Variants in HCFC2 observed in about 807,000 individuals in gnomAD.
HCFC2 encodes host cell factor C2.
A neutral mutation model predicts 89.2 loss-of-function variants in HCFC2; 18 were observed. That is an observed-to-expected ratio of 0.20 (90% CI 0.14 to 0.30). The LOEUF (loss-of-function observed/expected upper bound fraction) is 0.30, where lower values mean the gene tolerates loss of function less well. HCFC2 is among the 10% of genes least tolerant of loss of function. The pLI, the probability that HCFC2 is intolerant of heterozygous loss-of-function variation, is 1.00. For missense variants in HCFC2, 578 were observed against 956.1 expected (o/e 0.60, Z 5.21); for synonymous variants, 308 against 335.7 (o/e 0.92, Z 0.90).
chr12:104,091,505 T>C (rs187882286), intron 9 of HCFC2, among the ~76,000 whole-genome samples: 43 of 152,370 alleles, frequency 2.8e-4, no homozygotes, highest in African/African-American at 9.4e-4. Context: ...TAAAAGGTTA[T>C]AGCTTCATAC....
chr12:104,081,161 G>A (rs184522994), intron 5 of HCFC2, among the ~76,000 whole-genome samples: 36 of 152,206 alleles, frequency 2.4e-4, no homozygotes, highest in African/African-American at 8.7e-4. Context: ...TTGTACTGAG[G>A]CACATGCTCT....
intron 12 of HCFC2, 141 bp downstream of exon 12, chr12:104,096,574 T>G: frequency 1.8e-6 from 1 of 560,760 alleles, no homozygotes; most frequent in Non-Finnish European, 3.2e-6. Flanking sequence ...AATGATTGAA[T>G]AGGAAAATGT....
At position 104,066,148 on chromosome 12, in the gene HCFC2, A is replaced by G; in HGVS notation, c.164-19A>G. 1.2e-6 allele frequency: 2 copies of G among 1,610,192 alleles called. No homozygotes were observed. The highest frequency in any genetic ancestry group is 1.7e-6 in the Non-Finnish European group (2 of 1,178,534). ...CCGTTGTTTGTTATAATCGGTTTTC[A>G]TTTTATTTTGGCAACTAGCTACGAA... is the stretch of plus-strand genomic sequence containing the variant. On this transcript the variant is annotated intron_variant, in intron 1 of 14. Transcript: ENST00000229330.
At chr12:104,100,679 A>T (rs756899908) in intron 13 of HCFC2, among the ~76,000 whole-genome samples, 1 of 152,152 alleles carries the variant, frequency 6.6e-6, no homozygotes, top group African/African-American at 2.4e-5. Context: ...ATTATATCCT[A>T]TATATTTATA....
intron 8 of HCFC2, 141 bp downstream of exon 8, chr12:104,087,155 G>A (rs1322901308): frequency 4.3e-6 from 3 of 697,316 alleles, no homozygotes; most frequent in African/African-American, 1.8e-5. Context: ...AGGAGTTTGA[G>A]ACCAGCCTGG....
chr12:104,073,710 A>G (rs1474333243), intron 3 of HCFC2, among the ~76,000 whole-genome samples: 1 of 152,006 alleles, frequency 6.6e-6, no homozygotes, highest in African/African-American at 2.4e-5. Flanking sequence ...TTGATTTTCA[A>G]TTTTCCCAAC....
intron 2 of HCFC2, 118 bp downstream of exon 2, chr12:104,066,433 T>C: frequency 1.5e-6 from 1 of 688,750 alleles, no homozygotes; most frequent in Non-Finnish European, 2.3e-6. Context: ...ATTCAAGTAA[T>C]GTATTATTCA....
chr12:104,095,021 C>T lies in HCFC2; in HGVS notation c.1463-339C>T, dbSNP rs1436263104. Among the ~76,000 whole-genome samples the T allele has an allele frequency of 6.6e-6, 1 of 152,030 alleles. No homozygotes were observed. The highest frequency in any genetic ancestry group is 1.5e-5 in the Non-Finnish European group (1 of 67,986). Reference sequence around the variant, plus strand: ...AATTCTAGTTTGCAGCCAGAGAAGGCAGAAAATTGAGATAATTCATGCTTA... The same window carrying T: ...AATTCTAGTTTGCAGCCAGAGAAGGTAGAAAATTGAGATAATTCATGCTTA... On this transcript the variant is annotated intron_variant, in intron 10 of 14. Coordinates refer to ENST00000229330, the MANE Select transcript of HCFC2 (RefSeq NM_013320.3). The surrounding 1 kb of genome is among the most constrained non-coding windows in gnomAD (Gnocchi z 4.2).
At chr12:104,066,431 AATGTATTATTC>A in intron 2 of HCFC2, 116 bp downstream of exon 2, 1 of 707,102 alleles carries the variant, frequency 1.4e-6, no homozygotes, top group Non-Finnish European at 2.3e-6. Flanking sequence ...TTATTCAAGT[AATGTATTATTC>A]AAGTAAACTA....
At position 104,094,380 on chromosome 12, in the gene HCFC2, C is replaced by T. The variant is rs116463139; in HGVS notation, c.1462+817C>T. On this transcript the variant is annotated intron_variant, in intron 10 of 14. Coordinates refer to ENST00000229330, the MANE Select transcript of HCFC2 (RefSeq NM_013320.3). Reference sequence around the variant, plus strand: ...GTATGGATTTGGGAATGGTATTTAACGCACAGAAAAATATGTAAAGGGCGA... The same window carrying T: ...GTATGGATTTGGGAATGGTATTTAATGCACAGAAAAATATGTAAAGGGCGA... 4.4e-3 allele frequency among the ~76,000 whole-genome samples: 671 copies of T among 152,200 alleles called. 5 individuals are homozygous for T. Among genetic ancestry groups the T allele is most frequent in the African/African-American group, 0.016 (645 of 41,530 alleles).
Position 104,104,863 on chromosome 12 carries a change from C to G in HCFC2, c.*1590C>G, listed in dbSNP as rs1593616205. On this transcript the variant is annotated 3_prime_UTR_variant, in exon 15 of 15. Coordinates refer to ENST00000229330, the MANE Select transcript of HCFC2 (RefSeq NM_013320.3). Reference sequence around the variant, plus strand: ...CACTACTATGGTGTTGTTAGAATACCTTTTTTGTGGCTGTATGAATCTTTA... The same window carrying G: ...CACTACTATGGTGTTGTTAGAATACGTTTTTTGTGGCTGTATGAATCTTTA... The G allele has an allele frequency of 6.6e-6, 1 of 151,814 alleles. No homozygotes were observed. Among genetic ancestry groups the G allele is most frequent in the East Asian group, 1.9e-4 (1 of 5,176 alleles). The allele number at this position is 151,814 out of a possible 1,614,324, so 9.4% of individuals were successfully genotyped here.
intron 14 of HCFC2, 48 bp from the exon 15 acceptor site, chr12:104,102,911 A>G: frequency 6.9e-7 from 1 of 1,458,582 alleles, no homozygotes; most frequent in Non-Finnish European, 9.4e-7. Flanking sequence ...AAGTGATAAC[A>G]GAGGAAACTT....
At chr12:104,091,282 C>A (rs1884015616) in intron 9 of HCFC2, among the ~76,000 whole-genome samples, 1 of 152,200 alleles carries the variant, frequency 6.6e-6, no homozygotes, top group South Asian at 2.1e-4. Context: ...GAGAGCAGAA[C>A]TAGGGCTACA....
chr12:104,096,174 T>C (rs1208694308), intron 11 of HCFC2, among the ~76,000 whole-genome samples, 186 bp from the exon 12 acceptor site: 1 of 152,206 alleles, frequency 6.6e-6, no homozygotes, highest in African/African-American at 2.4e-5. Flanking sequence ...TTACTACTTA[T>C]TGTAAATAAT....
chr12:104,102,995 A>G lies in HCFC2; in HGVS notation c.2101A>G (p.Thr701Ala), dbSNP rs372296703. 150 of 1,611,932 alleles carry G rather than the reference A, an allele frequency of 9.3e-5. No individual in the cohort carries two copies. The highest frequency in any genetic ancestry group is 1.2e-4 in the Non-Finnish European group (139 of 1,178,568). The change falls in exon 15 of 15, where the codon ACC becomes GCC. Residue 701 changes from threonine (T) to alanine (A), a missense_variant. Coordinates refer to ENST00000229330, the MANE Select transcript of HCFC2 (RefSeq NM_013320.3). Reference protein sequence around the residue: ...EGIHLSWEPPTSPSGNILEYS... With the variant: ...EGIHLSWEPPASPSGNILEYS... ...TATCCACCTTTCCTGGGAACCTCCA[A>G]CCTCACCTTCTGGAAATATTTTGGA... is the stretch of plus-strand genomic sequence containing the variant.
intron 12 of HCFC2, among the ~76,000 whole-genome samples, chr12:104,096,760 T>G (rs1291977355): frequency 6.6e-6 from 1 of 152,210 alleles, no homozygotes; most frequent in Non-Finnish European, 1.5e-5. Flanking sequence ...TTCTTTATGC[T>G]TTTTATATTT....
chr12:104,069,261 G>A (rs545579513), intron 3 of HCFC2, among the ~76,000 whole-genome samples: 9 of 152,202 alleles, frequency 5.9e-5, no homozygotes, highest in Admixed American at 2.6e-4. Context: ...AGCCGAGATC[G>A]TGCTGCTGCA....
chr12:104,101,399 C>T (rs985349467), intron 13 of HCFC2, among the ~76,000 whole-genome samples: 101 of 151,862 alleles, frequency 6.7e-4, no homozygotes, highest in African/African-American at 2.3e-3. Context: ...GCAGGAGAAT[C>T]GCTTGAACCC....
intron 13 of HCFC2, among the ~76,000 whole-genome samples, chr12:104,100,132 AT>A: frequency 6.6e-6 from 1 of 152,142 alleles, no homozygotes; most frequent in Non-Finnish European, 1.5e-5. Context: ...AAAAACCCTG[AT>A]ATGCTATTAA....
Sources: allele counts gnomAD v4.1 joint callset (sites outside exome capture counted in the v4.1 genomes callset), GRCh38; gene constraint gnomAD v4.1.1; non-coding constraint Gnocchi (gnomAD v3.1); transcripts MANE v1.5; gene names NCBI Gene and HGNC (gene_info 2026-07-23, HGNC 2026-07-21).